The following LINGO2 variants were observed in gnomAD, a reference collection of about 807,000 sequenced individuals.
LINGO2 encodes the protein leucine rich repeat and Ig domain containing 2.
In LINGO2, 14 loss-of-function variants were observed where a neutral mutation model predicts 30.6. The ratio of observed to expected loss-of-function variants is 0.46; its 90% CI spans 0.30 to 0.72. The LOEUF (loss-of-function observed/expected upper bound fraction) is 0.72, where lower values mean the gene tolerates loss of function less well. Among genes scored for constraint, LINGO2 ranks in the 30% least tolerant of loss-of-function variants. The probability of loss-of-function intolerance (pLI) is 0.07; values close to 1 mark genes in which losing one functional copy is unlikely to be tolerated. For synonymous variants in LINGO2, 317 were observed against 288.5 expected, an observed-to-expected ratio of 1.10 and a Z score of -1.00; for missense variants, 729 against 751.7, an observed-to-expected ratio of 0.97 and a Z score of 0.35.
the LINGO2 span, among the ~76,000 whole-genome samples, chr9:28,848,069 A>ATATT: frequency 0.015 from 636 of 43,176 alleles, 52 homozygotes; most frequent in Middle Eastern, 0.048. Context: ...ATATGTATAT[A>ATATT]ATATATATAT....
downstream of LINGO2, chr9:27,944,111 G>T (rs981523985): frequency 2.0e-5 from 3 of 152,118 alleles, no homozygotes; most frequent in African/African-American, 7.2e-5. Flanking sequence ...TAGACCATTT[G>T]TTAAAAATCT....
chr9:28,845,289 G>T, the LINGO2 span, among the ~76,000 whole-genome samples: 1 of 151,850 alleles, frequency 6.6e-6, no homozygotes, highest in African/African-American at 2.4e-5. Context: ...TGACATAAAA[G>T]ATTTGTTTTT....
intron 4 of LINGO2, among the ~76,000 whole-genome samples, chr9:28,219,409 G>A (rs1820882009): frequency 6.6e-6 from 1 of 152,064 alleles, no homozygotes; most frequent in South Asian, 2.1e-4. Flanking sequence ...CCTTATTTTA[G>A]AGGTTCTTTT....
chr9:29,001,978 A>C, the LINGO2 span, among the ~76,000 whole-genome samples: 271 of 152,114 alleles, frequency 1.8e-3, 2 homozygotes, highest in African/African-American at 6.2e-3. Context: ...GGTTTTCCAC[A>C]CAGGTATTAA....
At chr9:28,330,774 G>C (rs951881536) in intron 3 of LINGO2, among the ~76,000 whole-genome samples, 6 of 151,992 alleles carry the variant, frequency 3.9e-5, no homozygotes, top group African/African-American at 1.5e-4. Context: ...ATGCTTTGTG[G>C]TATACTCTTC....
chr9:28,455,462 C>T (rs1824808651), intron 2 of LINGO2, among the ~76,000 whole-genome samples: 2 of 151,886 alleles, frequency 1.3e-5, no homozygotes, highest in Admixed American at 6.6e-5. Context: ...ACAAATCTAC[C>T]CTTTCTCTAA....
At chr9:28,241,348 A>C (rs1427703627) in intron 4 of LINGO2, among the ~76,000 whole-genome samples, 1 of 151,898 alleles carries the variant, frequency 6.6e-6, no homozygotes, top group Non-Finnish European at 1.5e-5. Context: ...AGCCAACTAG[A>C]AGCAGTGGCA....
intron 4 of LINGO2, among the ~76,000 whole-genome samples, chr9:28,292,446 C>T (rs1293920569): frequency 6.6e-6 from 1 of 151,984 alleles, no homozygotes; most frequent in Middle Eastern, 3.2e-3. Context: ...TGTGTAATAT[C>T]AATTATTTTA....
intron 4 of LINGO2, among the ~76,000 whole-genome samples, chr9:28,021,035 G>A (rs1351266448): frequency 2.6e-5 from 4 of 151,716 alleles, no homozygotes; most frequent in African/African-American, 7.3e-5. Context: ...CCATTGCATT[G>A]ATTTTTGCTC....
the LINGO2 span, among the ~76,000 whole-genome samples, chr9:28,910,301 C>T: frequency 6.6e-6 from 1 of 151,264 alleles, no homozygotes; most frequent in Admixed American, 6.7e-5. Context: ...CATATAAATG[C>T]TCACCAATTT....
At chr9:28,431,651 C>T (rs144593699) in intron 2 of LINGO2, among the ~76,000 whole-genome samples, 12 of 152,258 alleles carry the variant, frequency 7.9e-5, no homozygotes, top group East Asian at 7.8e-4. Context: ...AGATCAGTTA[C>T]GGTCATTCTC....
chr9:28,087,279 T>C (rs548254677), intron 4 of LINGO2, among the ~76,000 whole-genome samples: 14 of 152,200 alleles, frequency 9.2e-5, no homozygotes, highest in African/African-American at 3.4e-4. Flanking sequence ...CATGAGGTTT[T>C]ATTGTAAATT....
the LINGO2 span, among the ~76,000 whole-genome samples, chr9:28,787,676 T>G: frequency 1.6e-4 from 25 of 152,266 alleles, no homozygotes; most frequent in South Asian, 4.8e-3. Context: ...TGATTATTCC[T>G]AACACCACTG....
the LINGO2 span, among the ~76,000 whole-genome samples, chr9:28,909,112 G>C: frequency 6.6e-6 from 1 of 151,856 alleles, no homozygotes; most frequent in South Asian, 2.1e-4. Flanking sequence ...ATGTCTTTAT[G>C]AATTTTATCA....
rs527862952 is a variant in LINGO2 at position 28,329,497 on chromosome 9, C to G, written c.-245-34131G>C. The stretch of plus-strand genomic sequence containing the variant: ...TATACAAGTTTTGCTCCTGTTCAAT[C>G]TAAAATGCTCATGATAATTGACTCC... On this transcript the variant is annotated intron_variant, in intron 3 of 5. Coordinates refer to ENST00000379992, the Ensembl canonical transcript of LINGO2. This position sits in a 1 kb window ranked among gnomAD's most constrained non-coding sequence, Gnocchi z 4.5. Among the ~76,000 whole-genome samples the G allele has an allele frequency of 1.2e-4, 18 of 152,264 alleles. No homozygotes were observed. The East Asian group carries it at 3.1e-3, about 26-fold the overall frequency.
chr9:28,640,736 A>T (rs9776838), intron 1 of LINGO2, among the ~76,000 whole-genome samples: 57,266 of 151,520 alleles, frequency 0.38, 12,097 homozygotes, highest in African/African-American at 0.55. Context: ...TCTAATCTTT[A>T]TTCAAGGTTT....
At chr9:29,159,703 C>CA in the LINGO2 span, among the ~76,000 whole-genome samples, 2 of 151,672 alleles carry the variant, frequency 1.3e-5, no homozygotes, top group African/African-American at 4.8e-5. Flanking sequence ...CTAAAAAATA[C>CA]AAAAATTAGC....
chr9:28,795,476 C>A, the LINGO2 span, among the ~76,000 whole-genome samples: 1 of 152,084 alleles, frequency 6.6e-6, no homozygotes, highest in South Asian at 2.1e-4. Flanking sequence ...GGAAATATAA[C>A]AATTAGCAAT....
chr9:28,687,947 G>A, the LINGO2 span, among the ~76,000 whole-genome samples: 1 of 152,056 alleles, frequency 6.6e-6, no homozygotes, highest in Admixed American at 6.6e-5. Flanking sequence ...CTCTGTGAAT[G>A]GGAAAGAGGA....
Sources: allele counts gnomAD v4.1 joint callset (sites outside exome capture counted in the v4.1 genomes callset), GRCh38; gene constraint gnomAD v4.1.1; non-coding constraint Gnocchi (gnomAD v3.1); transcripts MANE v1.5; gene names NCBI Gene and HGNC (gene_info 2026-07-23, HGNC 2026-07-21).